The following PTPRT variants were observed in gnomAD, a reference collection of about 807,000 sequenced individuals.
The protein encoded by PTPRT is protein tyrosine phosphatase receptor type T, also known as receptor-type tyrosine-protein phosphatase T.
In PTPRT, 56 loss-of-function variants were observed where a neutral mutation model predicts 176.8. The ratio of observed to expected loss-of-function variants is 0.32; its 90% CI spans 0.26 to 0.40. PTPRT has a LOEUF of 0.40. PTPRT is among the 10% of genes least tolerant of loss of function. The pLI is 1.00. For synonymous variants in PTPRT, 783 were observed against 739.0 expected (o/e 1.06, Z -0.96); for missense variants, 1,540 against 1,908.2 (o/e 0.81, Z 3.60).
At chr20:42,254,556 T>C (rs1183193461) in intron 13 of PTPRT, among the ~76,000 whole-genome samples, 1 of 152,180 alleles carries the variant, frequency 6.6e-6, no homozygotes, top group Admixed American at 6.5e-5. Context: ...TAAAGGGCCA[T>C]TGTGGAAGGT....
intron 2 of PTPRT, among the ~76,000 whole-genome samples, chr20:42,806,109 T>C (rs1044467455): frequency 6.6e-6 from 1 of 151,432 alleles, no homozygotes; most frequent in Non-Finnish European, 1.5e-5. Context: ...CCCAGCCCTC[T>C]CATTTCCTAA....
At chr20:42,379,570 G>T (rs79217304) in intron 9 of PTPRT, among the ~76,000 whole-genome samples, 1 of 152,098 alleles carries the variant, frequency 6.6e-6, no homozygotes, top group South Asian at 2.1e-4. Flanking sequence ...GCAGGAGCTC[G>T]GTCTCCAGCT....
rs750253646 is a variant in PTPRT at position 42,248,690 on chromosome 20, C to T, written c.2309G>A (p.Arg770Lys). The change falls in exon 14 of 31, where the codon AGG (arginine) becomes AAG (lysine). Residue 770 changes from arginine (R) to lysine (K), a missense_variant. Arg to Lys is a conservative substitution (Grantham distance 26, BLOSUM62 2). This residue lies in a region of PTPRT where 255 missense variants were observed against 250.1 expected (regional missense o/e 1.02). Transcript: ENST00000373187. ...GCAGGCAGCAGCAGAGACTCACCTC[C>T]TTTTGATGGTGAGCATCACGCCCAG... ...ILLGVMLTIK[R>K]RRNAYSYSYY... 1.9e-6 allele frequency: 3 copies of T among 1,613,724 alleles called. No homozygotes were observed. The highest frequency in any genetic ancestry group is 1.7e-5 in the Admixed American group (1 of 59,996).
At chr20:42,356,778 T>C (rs1740672612) in intron 9 of PTPRT, among the ~76,000 whole-genome samples, 1 of 152,198 alleles carries the variant, frequency 6.6e-6, no homozygotes, top group African/African-American at 2.4e-5. Context: ...AATGTGTCTC[T>C]GTCATGTGGT....
At chr20:43,013,159 G>A (rs1017550860) in intron 1 of PTPRT, among the ~76,000 whole-genome samples, 1 of 151,602 alleles carries the variant, frequency 6.6e-6, no homozygotes, top group African/African-American at 2.4e-5. Flanking sequence ...TTAAAATATT[G>A]TAATTTTTTT....
At chr20:42,779,369 A>G (rs566873844) in intron 4 of PTPRT, among the ~76,000 whole-genome samples, 11 of 152,314 alleles carry the variant, frequency 7.2e-5, no homozygotes, top group Non-Finnish European at 5.9e-5. Flanking sequence ...ACAGGGGGTT[A>G]CCTAGAACTG....
intron 2 of PTPRT, among the ~76,000 whole-genome samples, chr20:42,823,627 C>T (rs2077940686): frequency 6.6e-6 from 1 of 151,920 alleles, no homozygotes; most frequent in Admixed American, 6.6e-5. Flanking sequence ...AATAACAGCG[C>T]CCATCTGAAG....
chr20:42,316,474 T>G (rs2057723209), intron 11 of PTPRT, among the ~76,000 whole-genome samples: 1 of 152,242 alleles, frequency 6.6e-6, no homozygotes. Flanking sequence ...ACTTTCCCAC[T>G]TACCCAGATT....
chr20:42,083,012 A>G (rs1487462233), intron 29 of PTPRT, among the ~76,000 whole-genome samples: 4 of 151,600 alleles, frequency 2.6e-5, no homozygotes, highest in African/African-American at 9.7e-5. Context: ...TGTGGCCCTC[A>G]AGGAAACCAA....
At chr20:42,161,284 G>GCA in intron 17 of PTPRT, 68 bp downstream of exon 17, 1 of 1,576,934 alleles carries the variant, frequency 6.3e-7, no homozygotes, top group Non-Finnish European at 8.7e-7. Flanking sequence ...ACTTTTTGTA[G>GCA]CAAGGCTTTA....
chr20:43,176,486 C>T (rs1490408554), intron 1 of PTPRT, among the ~76,000 whole-genome samples: 1 of 152,156 alleles, frequency 6.6e-6, no homozygotes, highest in African/African-American at 2.4e-5. Flanking sequence ...AATTATCAAC[C>T]AATTTTAACA....
chr20:43,071,730 A>C (rs1243212767), intron 1 of PTPRT, among the ~76,000 whole-genome samples: 1 of 152,256 alleles, frequency 6.6e-6, no homozygotes, highest in East Asian at 1.9e-4. Flanking sequence ...GATTGCAGTG[A>C]GCCAAGATCG....
chr20:42,063,952 C>T, the PTPRT span: 2 of 151,850 alleles, frequency 1.3e-5, no homozygotes, highest in Non-Finnish European at 1.5e-5. Context: ...AATGTATATA[C>T]TGGATGTAAT....
Position 43,051,370 on chromosome 20 carries a change from A to G in PTPRT, c.88+138276T>C, listed in dbSNP as rs965402902. Among the ~76,000 whole-genome samples, 4 of 152,068 alleles carry G rather than the reference A, an allele frequency of 2.6e-5. 1 individual carries two copies. The East Asian group carries it at 5.8e-4, about 22-fold the overall frequency. ...AATTGAATGCATTCTGTGCATTTCA[A>G]TCAATGCTCTTTCCCTTCCCTTAGT... On this transcript the variant is annotated intron_variant, in intron 1 of 30. Coordinates refer to ENST00000373187, the MANE Select transcript of PTPRT (RefSeq NM_007050.6).
intron 1 of PTPRT, among the ~76,000 whole-genome samples, chr20:42,954,906 AAAG>A (rs149323298): frequency 0.018 from 2,760 of 151,896 alleles, 80 homozygotes; most frequent in African/African-American, 0.063. Flanking sequence ...GAAGGGAGGG[AAAG>A]AAGAAAAGGG....
intron 6 of PTPRT, among the ~76,000 whole-genome samples, chr20:42,742,542 A>G (rs2076626994): frequency 6.6e-6 from 1 of 152,096 alleles, no homozygotes; most frequent in South Asian, 2.1e-4. Flanking sequence ...TCACAGCAGG[A>G]GGGGAAAAAG....
chr20:43,189,593 C>A lies in PTPRT; in HGVS notation c.88+53G>T. Reference sequence around the variant, plus strand: ...CGAGGGCCCCGCGGCTGGGGGCCCGCGCGCATCCAGGAGGGAGCGGGGAGC... The same window carrying A: ...CGAGGGCCCCGCGGCTGGGGGCCCGAGCGCATCCAGGAGGGAGCGGGGAGC... On this transcript the variant is annotated intron_variant, in intron 1 of 30. Coordinates refer to ENST00000373187, the MANE Select transcript of PTPRT (RefSeq NM_007050.6). This position sits in a 1 kb window ranked among gnomAD's most constrained non-coding sequence, Gnocchi z 5.0. 1 of 1,153,998 alleles carries A rather than the reference C, an allele frequency of 8.7e-7. No individual in the cohort carries two copies. The highest frequency in any genetic ancestry group is 1.1e-6 in the Non-Finnish European group (1 of 922,432). The allele number at this position is 1,153,998 out of a possible 1,614,324, so 71.5% of individuals were successfully genotyped here.
At chr20:43,140,443 A>AGTGTGT (rs6147356) in intron 1 of PTPRT, among the ~76,000 whole-genome samples, 32 of 146,964 alleles carry the variant, frequency 2.2e-4, no homozygotes, top group African/African-American at 8.0e-4. Context: ...ACCTCTGGGT[A>AGTGTGT]GTGTGTGTGT....
intron 1 of PTPRT, among the ~76,000 whole-genome samples, chr20:43,102,284 T>TCTCACACACACA (rs138696752): frequency 7.1e-6 from 1 of 140,452 alleles, no homozygotes; most frequent in African/African-American, 2.7e-5. Context: ...CACTCACACA[T>TCTCACACACACA]CACACACACA....
Sources: gnomAD v4.1 joint callset for allele counts (sites outside exome capture counted in the v4.1 genomes callset) on GRCh38, gnomAD v4.1.1 for gene constraint, gnomAD v4.1.1 regional missense constraint, Gnocchi (gnomAD v3.1) non-coding constraint, MANE v1.5 for transcripts, NCBI Gene and HGNC (gene_info 2026-07-23, HGNC 2026-07-21) for gene names.